KIF26B: variants seen among roughly 807,000 people sequenced by gnomAD.
The protein encoded by KIF26B is kinesin family member 26B.
In KIF26B, 63 loss-of-function variants were observed where a neutral mutation model predicts 151.2. That is an observed-to-expected ratio of 0.42 (90% CI 0.34 to 0.51). The LOEUF (loss-of-function observed/expected upper bound fraction) is 0.51. Among genes scored for constraint, KIF26B ranks in the 20% least tolerant of loss-of-function variants. The pLI is 0.07. For synonymous variants in KIF26B, 1,357 were observed against 1,262.1 expected, an observed-to-expected ratio of 1.08 and a Z score of -1.59; for missense variants, 2,813 against 2,913.6, an observed-to-expected ratio of 0.97 and a Z score of 0.79.
In KIF26B at chr1:245,239,028, T is replaced by C. The variant is rs1670165243; in HGVS notation, c.465+82345T>C. ...CTCTTGATATGGAGACGTGGTTTCT[T>C]ACGTCTAATTTCGTTTTCCACCATC... On this transcript the variant is annotated intron_variant, in intron 2 of 14. Coordinates refer to ENST00000407071, the MANE Select transcript of KIF26B (RefSeq NM_018012.4). The surrounding 1 kb of genome is among the most constrained non-coding windows in gnomAD (Gnocchi z 4.3). Among the ~76,000 whole-genome samples the C allele has an allele frequency of 6.6e-6, 1 of 152,210 alleles. No individual in the cohort carries two copies. The highest frequency in any genetic ancestry group is 1.5e-5 in the Non-Finnish European group (1 of 68,034).
At chr1:245,649,584 G>A (rs2043992182) in intron 10 of KIF26B, among the ~76,000 whole-genome samples, 1 of 152,204 alleles carries the variant, frequency 6.6e-6, no homozygotes, top group South Asian at 2.1e-4. Flanking sequence ...GAAGTTTCCT[G>A]CCCTTGAGGT....
chr1:245,350,857 C>A (rs2103000397), intron 2 of KIF26B, among the ~76,000 whole-genome samples: 1 of 152,286 alleles, frequency 6.6e-6, no homozygotes, highest in South Asian at 2.1e-4. Flanking sequence ...GGGTAACTAT[C>A]TCCAAAGCAT....
intron 4 of KIF26B, among the ~76,000 whole-genome samples, chr1:245,522,201 C>T (rs1383007646): frequency 6.6e-6 from 1 of 152,166 alleles, no homozygotes; most frequent in East Asian, 1.9e-4. Flanking sequence ...ATGGACCACG[C>T]TGGTAGATGC....
intron 4 of KIF26B, among the ~76,000 whole-genome samples, chr1:245,426,918 T>C (rs528964161): frequency 2.6e-5 from 4 of 152,346 alleles, no homozygotes; most frequent in East Asian, 3.9e-4. Context: ...TTTTCATATA[T>C]GATCTTGTAT....
At chr1:245,341,571 C>G (rs1056335609) in intron 2 of KIF26B, among the ~76,000 whole-genome samples, 5 of 152,150 alleles carry the variant, frequency 3.3e-5, no homozygotes, top group Admixed American at 6.5e-5. Context: ...ATCCTCCCCC[C>G]TTGGCGTCCC....
chr1:245,582,866 C>T (rs768156210), intron 5 of KIF26B, among the ~76,000 whole-genome samples: 64 of 152,128 alleles, frequency 4.2e-4, no homozygotes, highest in Admixed American at 1.2e-3. Flanking sequence ...TCTGCAGATG[C>T]GTGCTGAATT....
chr1:245,416,471 G>T (rs918672370), intron 3 of KIF26B, among the ~76,000 whole-genome samples: 1 of 152,170 alleles, frequency 6.6e-6, no homozygotes, highest in Non-Finnish European at 1.5e-5. Flanking sequence ...TATTGACCTT[G>T]GTATACAGTG....
Position 245,350,373 on chromosome 1 carries a change from C to T in KIF26B, c.466-16461C>T, listed in dbSNP as rs78375467. Among the ~76,000 whole-genome samples, 411 of 152,288 alleles carry T rather than the reference C, an allele frequency of 2.7e-3. 2 individuals are homozygous for T. The highest frequency in any genetic ancestry group is 9.6e-3 in the African/African-American group (398 of 41,554). On this transcript the variant is annotated intron_variant, in intron 2 of 14. Coordinates refer to ENST00000407071, the MANE Select transcript of KIF26B (RefSeq NM_018012.4). ...CACCAAGCGGCAGGTCCTTATGTAG[C>T]TCCACAGACCACCATGAAACCCTTC...
chr1:245,162,375 C>CTTTTTTTTTTT (rs138853411), intron 2 of KIF26B, among the ~76,000 whole-genome samples: 5 of 76,494 alleles, frequency 6.5e-5, no homozygotes, highest in Admixed American at 2.1e-4. Context: ...TCAGAAATAT[C>CTTTTTTTTTTT]TTTTTTTTTT....
chr1:245,551,334 C>T (rs1450313942), intron 5 of KIF26B, among the ~76,000 whole-genome samples: 2 of 152,194 alleles, frequency 1.3e-5, no homozygotes, highest in Non-Finnish European at 2.9e-5. Flanking sequence ...TGAGCCACTG[C>T]GCATGGCCTG....
intron 2 of KIF26B, among the ~76,000 whole-genome samples, chr1:245,365,809 CGAGAGGTTCA>C (rs1198002002): frequency 1.3e-5 from 2 of 152,162 alleles, no homozygotes; most frequent in Non-Finnish European, 2.9e-5. Flanking sequence ...TGTGGACAGA[CGAGAGGTTCA>C]GTGAGGTTCA....
intron 5 of KIF26B, among the ~76,000 whole-genome samples, chr1:245,544,731 T>C (rs916669968): frequency 1.3e-5 from 2 of 152,070 alleles, no homozygotes; most frequent in Non-Finnish European, 2.9e-5. Flanking sequence ...CAAAATAACG[T>C]TGGGAACCAA....
intron 4 of KIF26B, among the ~76,000 whole-genome samples, chr1:245,526,062 A>G (rs1661230671): frequency 6.6e-6 from 1 of 152,266 alleles, no homozygotes; most frequent in Non-Finnish European, 1.5e-5. Context: ...TTACTTAAAT[A>G]TGCAGCTCAA....
chr1:245,643,319 G>A (rs955713969), intron 9 of KIF26B, among the ~76,000 whole-genome samples: 1 of 151,922 alleles, frequency 6.6e-6, no homozygotes. Context: ...TTGGATTTAT[G>A]AAACATTTAA....
chr1:245,497,333 G>A (rs2103076934), intron 4 of KIF26B, among the ~76,000 whole-genome samples: 1 of 152,216 alleles, frequency 6.6e-6, no homozygotes, highest in East Asian at 1.9e-4. Flanking sequence ...TCTCAACAAT[G>A]ACACAATTCA....
intron 2 of KIF26B, among the ~76,000 whole-genome samples, chr1:245,266,803 C>T (rs1329449183): frequency 6.6e-6 from 1 of 152,196 alleles, no homozygotes; most frequent in Non-Finnish European, 1.5e-5. Context: ...CTGTGCCTGG[C>T]CTGTTTTACC....
intron 9 of KIF26B, among the ~76,000 whole-genome samples, chr1:245,613,123 C>T (rs1022674435): frequency 6.6e-6 from 1 of 152,250 alleles, no homozygotes. Flanking sequence ...CCCGCTCTGC[C>T]GGGCTTTCAA....
At chr1:245,310,257 C>T (rs747368289) in intron 2 of KIF26B, among the ~76,000 whole-genome samples, 27 of 151,940 alleles carry the variant, frequency 1.8e-4, no homozygotes, top group Non-Finnish European at 3.2e-4. Flanking sequence ...AGAGAGATAG[C>T]GTGGTCTTAG....
chr1:245,353,804 A>G (rs1216273606), intron 2 of KIF26B: 3 of 152,628 alleles, frequency 2.0e-5, no homozygotes, highest in East Asian at 3.9e-4. Flanking sequence ...AAGGATCATT[A>G]TGGAAGAAAG....
Sources: allele counts gnomAD v4.1 joint callset (sites outside exome capture counted in the v4.1 genomes callset), GRCh38; gene constraint gnomAD v4.1.1; non-coding constraint Gnocchi (gnomAD v3.1); transcripts MANE v1.5; gene names NCBI Gene and HGNC (gene_info 2026-07-23, HGNC 2026-07-21).